Variants in FLNB observed in about 807,000 individuals in gnomAD.
FLNB encodes filamin-B.
Under a neutral mutation model 250.6 loss-of-function variants are expected in FLNB, and 111 were observed. The ratio of observed to expected loss-of-function variants is 0.44; its 90% CI spans 0.38 to 0.52. The LOEUF is 0.52. Among genes scored for constraint, FLNB ranks in the 20% least tolerant of loss-of-function variants. FLNB has a pLI of 0.00. For missense variants in FLNB, 2,869 were observed against 3,447.8 expected, an observed-to-expected ratio of 0.83 and a Z score of 4.20; for synonymous variants, 1,302 against 1,372.1, an observed-to-expected ratio of 0.95 and a Z score of 1.13.
chr3:58,143,363 T>C (rs1268081524), intron 31 of FLNB, 110 bp from the exon 32 acceptor site: 29 of 1,130,968 alleles, frequency 2.6e-5, no homozygotes, highest in East Asian at 5.0e-5. Flanking sequence ...CAGCAACGAA[T>C]GTTCTTGGGT....
At chr3:58,144,759 C>A (rs551764975) in intron 32 of FLNB, among the ~76,000 whole-genome samples, 1 of 152,226 alleles carries the variant, frequency 6.6e-6, no homozygotes, top group Non-Finnish European at 1.5e-5. Flanking sequence ...CAAAATTTGC[C>A]AGTAGAATAT....
At position 58,110,158 on chromosome 3, in the gene FLNB, CTT is replaced by C; in HGVS notation, c.2474_2475del (p.Phe825CysfsTer15). The C allele has an allele frequency of 6.2e-7, 1 of 1,614,226 alleles. No homozygotes were observed. Among genetic ancestry groups the C allele is most frequent in the South Asian group, 1.1e-5 (1 of 91,080 alleles). On this transcript the variant is annotated frameshift_variant, in exon 16 of 46. Transcript: ENST00000295956. LOFTEE classifies it high-confidence loss of function. The stretch of plus-strand genomic sequence containing the variant: ...CTGGGCGATACACTATCAAAGTTCT[CTT>C]TGCATCTCAGGTACGTGGTGGGGCC... ...AAGRYTIKVL[F>X]ASQEIPASPF...
At chr3:58,132,596 C>A in intron 25 of FLNB, 1 of 630,264 alleles carries the variant, frequency 1.6e-6, no homozygotes, top group Non-Finnish European at 2.8e-6. Flanking sequence ...CAACAAAAAG[C>A]TAAAGGTGTC....
At chr3:58,053,998 G>T (rs567441632) in intron 1 of FLNB, among the ~76,000 whole-genome samples, 53 of 152,288 alleles carry the variant, frequency 3.5e-4, no homozygotes, top group African/African-American at 1.3e-3. Flanking sequence ...GGCAGGGTGG[G>T]GTTGGTGAAC....
At position 58,066,637 on chromosome 3, in the gene FLNB, A is replaced by G. The variant is rs116137780; in HGVS notation, c.293-10409A>G. Among the ~76,000 whole-genome samples the G allele has an allele frequency of 1.7e-3, 259 of 152,342 alleles. 1 individual carries two copies. The highest frequency in any genetic ancestry group is 5.8e-3 in the African/African-American group (240 of 41,558). On this transcript the variant is annotated intron_variant, in intron 1 of 45. Coordinates refer to ENST00000295956, the MANE Select transcript of FLNB (RefSeq NM_001457.4). ...GTTACTGTATCCTAGGCCCTTTAGCAGACCTGTCTCATTGATCATTTATTT... is the reference window on the plus strand; with the variant it reads ...GTTACTGTATCCTAGGCCCTTTAGCGGACCTGTCTCATTGATCATTTATTT...
intron 38 of FLNB, chr3:58,152,709 G>A (rs1311879572): frequency 2.3e-6 from 3 of 1,309,126 alleles, no homozygotes; most frequent in South Asian, 2.4e-5. Context: ...TGTCCTCAGG[G>A]GTCAGAGTCA....
intron 11 of FLNB, 146 bp from the exon 12 acceptor site, chr3:58,106,534 G>A: frequency 1.4e-6 from 1 of 713,956 alleles, no homozygotes; most frequent in Non-Finnish European, 2.5e-6. Context: ...TAATGAGCTT[G>A]GTTTTGGAAG....
At chr3:58,018,105 C>G (rs1373794996) in intron 1 of FLNB, among the ~76,000 whole-genome samples, 1 of 152,058 alleles carries the variant, frequency 6.6e-6, no homozygotes, top group African/African-American at 2.4e-5. Context: ...AATATAACAT[C>G]TAGTATTTCT....
In FLNB at chr3:58,159,627, C is replaced by T. The variant is rs753139052; in HGVS notation, c.6962C>T (p.Ala2321Val). ...AATGGCGCAAAAGGCAAGATTGATG[C>T]AAAGGTGCACAGCCCCTCTGGAGCC... Reference protein sequence around the residue: ...RLNGAKGKIDAKVHSPSGAVE... With the variant: ...RLNGAKGKIDVKVHSPSGAVE... The change falls in exon 42 of 46, where the codon GCA becomes GTA. Residue 2321 changes from alanine to valine, a missense_variant. Transcript: ENST00000295956. The T allele has an allele frequency of 6.2e-7, 1 of 1,613,926 alleles. No individual in the cohort carries two copies. The highest frequency in any genetic ancestry group is 1.1e-5 in the South Asian group (1 of 91,078).
chr3:58,117,364 G>A (rs74321466), intron 18 of FLNB, among the ~76,000 whole-genome samples: 1 of 152,184 alleles, frequency 6.6e-6, no homozygotes, highest in Non-Finnish European at 1.5e-5. Flanking sequence ...GGTAACAAGA[G>A]CATACTTTCT....
intron 38 of FLNB, chr3:58,152,996 T>TA: frequency 2.9e-6 from 1 of 346,118 alleles, no homozygotes; most frequent in South Asian, 2.6e-5. Context: ...CATTGGGACT[T>TA]ACATATGTTC....
In FLNB at chr3:58,169,305, C is replaced by T; in HGVS notation, c.7418-285C>T. 1 of 480,298 alleles carries T rather than the reference C, an allele frequency of 2.1e-6. No individual in the cohort carries two copies. The highest frequency in any genetic ancestry group is 3.8e-6 in the Non-Finnish European group (1 of 263,466). The allele number at this position is 480,298 out of a possible 1,614,324, so 29.8% of individuals were successfully genotyped here. A position where few individuals can be genotyped will look rare whatever the true frequency, so the allele number is the denominator to read the frequency against. On this transcript the variant is annotated intron_variant, in intron 44 of 45. Transcript: ENST00000295956. The surrounding 1 kb of genome is among the most constrained non-coding windows in gnomAD (Gnocchi z 4.8). ...AATAGAAAGATGTGAATTCCACAGG[C>T]ACATCTTTGGTGGGTAGGGGGTGGG...
chr3:58,112,383 T>C (rs2097270382), intron 18 of FLNB, 65 bp downstream of exon 18: 15 of 1,500,408 alleles, frequency 1.0e-5, no homozygotes, highest in Non-Finnish European at 1.4e-5. Context: ...CAGTCGGTGC[T>C]GGGTCACTGT....
chr3:58,101,704 T>C (rs889278822), intron 8 of FLNB, among the ~76,000 whole-genome samples: 12 of 152,364 alleles, frequency 7.9e-5, no homozygotes, highest in Admixed American at 7.8e-4. Flanking sequence ...TGGTTGTTTT[T>C]GCCTGGTTGT....
At position 58,136,134 on chromosome 3, in the gene FLNB, A is replaced by C; in HGVS notation, c.4827A>C (p.Thr1609=). The change falls in exon 28 of 46, where the codon ACA becomes ACC. Residue 1609 remains threonine (T), a synonymous_variant. Coordinates refer to ENST00000295956, the MANE Select transcript of FLNB (RefSeq NM_001457.4). ...TTTCTCCTTATCGCATCCGAGCCAC[A>C]CAGACGGGTGATGCCAGCAAGTGCC... ...IPLSPYRIRA[T]QTGDASKCLA... The C allele has an allele frequency of 6.2e-7, 1 of 1,614,222 alleles. No homozygotes were observed. The highest frequency in any genetic ancestry group is 8.5e-7 in the Non-Finnish European group (1 of 1,180,044).
chr3:58,118,152 G>A (rs771932535), intron 18 of FLNB, among the ~76,000 whole-genome samples: 10 of 152,328 alleles, frequency 6.6e-5, no homozygotes, highest in East Asian at 1.9e-4. Context: ...TGGCTATCGC[G>A]TGCCACCCGG....
intron 21 of FLNB, 99 bp from the exon 22 acceptor site, chr3:58,124,233 G>T: frequency 1.7e-6 from 2 of 1,202,212 alleles, no homozygotes; most frequent in Non-Finnish European, 2.5e-6. Flanking sequence ...TACTGAAATT[G>T]GACTTCATGT....
In FLNB at chr3:58,134,527, A is replaced by G. The variant is rs1457147194; in HGVS notation, c.4515-89A>G. 6.8e-6 allele frequency: 10 copies of G among 1,475,786 alleles called. No individual in the cohort carries two copies. The African/African-American group carries it at 9.7e-5, about 14-fold the overall frequency. 91.4% of individuals were successfully genotyped at this position (1,475,786 alleles called of 1,614,324 possible). ...ATCTGCTGTAGAAATCCCCTTTTCC[A>G]TCCCACTCTTATGTGTAAGAAAAGT... is the stretch of plus-strand genomic sequence containing the variant. On this transcript the variant is annotated intron_variant, in intron 26 of 45. Transcript: ENST00000295956.
intron 27 of FLNB, among the ~76,000 whole-genome samples, chr3:58,135,732 G>A (rs538479164): frequency 1.3e-5 from 2 of 152,234 alleles, no homozygotes; most frequent in East Asian, 1.9e-4. Flanking sequence ...AGAGGATTTC[G>A]AGCTAAAACA....
Sources: gnomAD v4.1 joint callset for allele counts (sites outside exome capture counted in the v4.1 genomes callset) on GRCh38, gnomAD v4.1.1 for gene constraint, Gnocchi (gnomAD v3.1) non-coding constraint, MANE v1.5 for transcripts, NCBI Gene and HGNC (gene_info 2026-07-23, HGNC 2026-07-21) for gene names.